Variants in NFKBIZ observed in about 807,000 individuals in gnomAD.
The protein encoded by NFKBIZ is NF-kappa-B inhibitor zeta.
NFKBIZ carries 19 observed loss-of-function variants against 76.8 expected under a neutral mutation model. That is an observed-to-expected ratio of 0.25 (90% CI 0.17 to 0.36). NFKBIZ has a LOEUF of 0.36. NFKBIZ is among the 10% of genes least tolerant of loss of function. The pLI is 1.00. For synonymous variants in NFKBIZ, 368 were observed against 354.8 expected (o/e 1.04, Z -0.42); for missense variants, 829 against 910.9 (o/e 0.91, Z 1.16).
intron 2 of NFKBIZ, among the ~76,000 whole-genome samples, chr3:101,833,272 G>A (rs1942672909): frequency 6.6e-6 from 1 of 152,142 alleles, no homozygotes; most frequent in Non-Finnish European, 1.5e-5. Context: ...ATAGATGTGG[G>A]GATTAGGTCT....
At chr3:101,831,607 T>C (rs755538305) in intron 2 of NFKBIZ, among the ~76,000 whole-genome samples, 1 of 151,862 alleles carries the variant, frequency 6.6e-6, no homozygotes, top group Non-Finnish European at 1.5e-5. Flanking sequence ...CTCCTTCTTC[T>C]CCTCCTTCTC....
In NFKBIZ at chr3:101,854,604, G is replaced by T; in HGVS notation, c.1364G>T (p.Gly455Val). The change falls in exon 6 of 12, where the codon GGG (glycine) becomes GTG (valine). Residue 455 changes from glycine (G) to valine (V), a missense_variant. By Grantham distance (109) the Gly-to-Val change is moderately radical. Around this residue, in one of 4 missense-constraint regions of NFKBIZ, gnomAD observed 272 missense variants for 384.2 expected, o/e 0.71. Coordinates refer to ENST00000326172, the MANE Select transcript of NFKBIZ (RefSeq NM_031419.4). ...DTFLHIAVAQ[G>V]RRALSYVLAR... ...TTCCTTCATATTGCTGTTGCCCAAG[G>T]GAGAAGGGCACTTTCCTATGTTCTT... 2 of 1,613,314 alleles carry T rather than the reference G, an allele frequency of 1.2e-6. No homozygotes were observed. Among genetic ancestry groups the T allele is most frequent in the South Asian group, 1.1e-5 (1 of 91,054 alleles).
upstream of NFKBIZ, among the ~76,000 whole-genome samples, chr3:101,846,823 T>C (rs1286278473): frequency 6.6e-6 from 1 of 152,184 alleles, no homozygotes; most frequent in Non-Finnish European, 1.5e-5. Flanking sequence ...TTATGAAGGA[T>C]TGGCTCACAC....
At chr3:101,842,588 TTTTC>T (rs989728085) in intron 2 of NFKBIZ, among the ~76,000 whole-genome samples, 5 of 150,894 alleles carry the variant, frequency 3.3e-5, no homozygotes, top group Admixed American at 2.0e-4. Context: ...TTTTCTTTTC[TTTTC>T]TTTTTTTTTT....
chr3:101,832,329 CATCTT>C (rs1277072140), intron 2 of NFKBIZ, among the ~76,000 whole-genome samples: 2 of 151,940 alleles, frequency 1.3e-5, no homozygotes, highest in African/African-American at 4.8e-5. Context: ...TAAAAGTTGC[CATCTT>C]ATCCATTTTT....
Position 101,853,927 on chromosome 3 carries a change from A to G in NFKBIZ, c.1337+64A>G. ...CCACACTTGTTGGACTAGTGAGCATATAATTTTTCTAGGGTATAACAAGGT... is the reference window on the plus strand; with the variant it reads ...CCACACTTGTTGGACTAGTGAGCATGTAATTTTTCTAGGGTATAACAAGGT... On this transcript the variant is annotated intron_variant, in intron 5 of 11. Transcript: ENST00000326172. The G allele has an allele frequency of 2.7e-6, 4 of 1,499,344 alleles. No homozygotes were observed. In the South Asian group the frequency reaches 3.8e-5, roughly 14 times the overall value. 92.9% of individuals were successfully genotyped at this position (1,499,344 alleles called of 1,614,324 possible).
At chr3:101,847,983 C>T (rs1289356689), upstream of NFKBIZ, among the ~76,000 whole-genome samples, 1 of 152,220 alleles carries the variant, frequency 6.6e-6, no homozygotes, top group East Asian at 1.9e-4. Context: ...TCATTTCTCC[C>T]CCCCTCCAAA....
At chr3:101,856,900 G>T in intron 9 of NFKBIZ, 173 bp from the exon 10 acceptor site, 1 of 556,874 alleles carries the variant, frequency 1.8e-6, no homozygotes, top group East Asian at 2.9e-5. Context: ...AATTTAAGAG[G>T]AATAAAAGAT....
intron 2 of NFKBIZ, among the ~76,000 whole-genome samples, chr3:101,834,921 G>A (rs1016886117): frequency 2.6e-5 from 4 of 152,202 alleles, no homozygotes; most frequent in Non-Finnish European, 4.4e-5. Context: ...GGGCCCTGAA[G>A]GGTTCCAGAC....
chr3:101,832,313 G>T (rs1942657627), intron 2 of NFKBIZ, among the ~76,000 whole-genome samples: 1 of 152,130 alleles, frequency 6.6e-6, no homozygotes, highest in Admixed American at 6.5e-5. Flanking sequence ...TGTGATAAAA[G>T]ATACATAAAA....
intron 9 of NFKBIZ, chr3:101,856,834 C>T (rs184163763): frequency 4.9e-6 from 2 of 406,000 alleles, no homozygotes; most frequent in South Asian, 5.0e-5. Context: ...CATTTTATGG[C>T]CACCCTGTAT....
chr3:101,858,026 G>A (rs1177126274), intron 11 of NFKBIZ: 2 of 842,726 alleles, frequency 2.4e-6, no homozygotes, highest in South Asian at 5.5e-5. Context: ...ATCAAATATG[G>A]TTATATATTA....
chr3:101,830,405 A>T (rs1482755553), intron 2 of NFKBIZ, among the ~76,000 whole-genome samples: 2 of 152,070 alleles, frequency 1.3e-5, no homozygotes, highest in African/African-American at 4.8e-5. Context: ...CGTGATGTTG[A>T]GGTTTGGGGT....
At chr3:101,846,037 C>T (rs1942845645), upstream of NFKBIZ, among the ~76,000 whole-genome samples, 1 of 152,214 alleles carries the variant, frequency 6.6e-6, no homozygotes, top group Non-Finnish European at 1.5e-5. Flanking sequence ...ATTTCGTATA[C>T]AGTTTTTGTG....
chr3:101,833,421 C>T (rs1942674106), intron 2 of NFKBIZ, among the ~76,000 whole-genome samples: 1 of 152,006 alleles, frequency 6.6e-6, no homozygotes, highest in Non-Finnish European at 1.5e-5. Flanking sequence ...TTTGGTTGAA[C>T]AAATAACCCA....
rs1395729532 is a variant in NFKBIZ at position 101,859,465 on chromosome 3, T to G, written c.*94T>G. On this transcript the variant is annotated 3_prime_UTR_variant, in exon 12 of 12. Transcript: ENST00000326172. ...AGACCATTTGCCTTATATTGGCAAA[T>G]GTAAGTTGTTTCTATGAAACAAACA... 1.0e-6 allele frequency: 1 copy of G among 977,372 alleles called. No individual in the cohort carries two copies. Among genetic ancestry groups the G allele is most frequent in the Non-Finnish European group, 1.6e-6 (1 of 618,788 alleles). The allele number at this position is 977,372 out of a possible 1,614,324, so 60.5% of individuals were successfully genotyped here.
At chr3:101,852,334 C>T in intron 2 of NFKBIZ, 110 bp downstream of exon 2, 2 of 1,323,168 alleles carry the variant, frequency 1.5e-6, no homozygotes, top group East Asian at 4.6e-5. Context: ...TGAAATTTTT[C>T]ATAAGATGAC....
chr3:101,841,477 T>C (rs1315118334), intron 2 of NFKBIZ, among the ~76,000 whole-genome samples: 2 of 152,206 alleles, frequency 1.3e-5, no homozygotes, highest in Admixed American at 6.5e-5. Flanking sequence ...TTGTCTGAGG[T>C]ACCGCTGTGC....
chr3:101,849,744 C>T lies in NFKBIZ; in HGVS notation c.116C>T (p.Ser39Leu), dbSNP rs1347551694. Reference protein sequence around the residue: ...PLNLSYFYGASPPAAAPGACD... With the variant: ...PLNLSYFYGALPPAAAPGACD... ...AACCTGAGCTACTTCTACGGCGCGT[C>T]GCCGCCCGCCGCCGCCCCGGGCGCC... The change falls in exon 1 of 12, where the codon TCG becomes TTG. Residue 39 changes from serine to leucine, a missense_variant. Coordinates refer to ENST00000326172, the MANE Select transcript of NFKBIZ (RefSeq NM_031419.4). 6.9e-7 allele frequency: 1 copy of T among 1,447,070 alleles called. No homozygotes were observed. Among genetic ancestry groups the T allele is most frequent in the Non-Finnish European group, 9.1e-7 (1 of 1,104,920 alleles). The allele number at this position is 1,447,070 out of a possible 1,614,324, so 89.6% of individuals were successfully genotyped here.
Sources: allele counts gnomAD v4.1 joint callset (sites outside exome capture counted in the v4.1 genomes callset), GRCh38; gene constraint gnomAD v4.1.1; regional missense constraint gnomAD v4.1.1; transcripts MANE v1.5; gene names NCBI Gene and HGNC (gene_info 2026-07-23, HGNC 2026-07-21).